B3GALT1: variants seen among roughly 807,000 people sequenced by gnomAD.
The protein encoded by B3GALT1 is UDP-Gal:betaGlcNAc beta 1,3-galactosyltransferase, polypeptide 1.
In B3GALT1, 10 loss-of-function variants were observed where a neutral mutation model predicts 23.2. That is an observed-to-expected ratio of 0.43 (90% CI 0.27 to 0.73). The LOEUF is 0.73. Ranked by LOEUF, B3GALT1 falls within the 30% of genes least tolerant of loss-of-function variation. The pLI is 0.21. For missense variants in B3GALT1, 299 were observed against 405.4 expected (o/e 0.74, Z 2.25); for synonymous variants, 156 against 141.5 (o/e 1.10, Z -0.73).
intron 3 of B3GALT1, among the ~76,000 whole-genome samples, chr2:167,770,570 G>A (rs1057394865): frequency 6.6e-6 from 1 of 152,124 alleles, no homozygotes; most frequent in Admixed American, 6.6e-5. Flanking sequence ...TGTATGGCTG[G>A]TCTTTTCAGT....
intron 1 of B3GALT1, among the ~76,000 whole-genome samples, chr2:167,422,611 C>A (rs761691372): frequency 6.6e-6 from 1 of 152,118 alleles, no homozygotes; most frequent in Admixed American, 6.5e-5. Context: ...GTGTACTTGA[C>A]TTGAGTCTAC....
Position 167,713,806 on chromosome 2 carries a change from A to G in B3GALT1, c.-352+66840A>G, listed in dbSNP as rs114314235. Reference sequence around the variant, plus strand: ...AGTAAGGAGGTAAACCCCTCTGTGGATAGATGTTTCTCATTGCAAATGGAG... The same window carrying G: ...AGTAAGGAGGTAAACCCCTCTGTGGGTAGATGTTTCTCATTGCAAATGGAG... On this transcript the variant is annotated intron_variant, in intron 3 of 4. Transcript: ENST00000392690. 345 of 1,593,208 alleles carry G rather than the reference A, an allele frequency of 2.2e-4. 3 individuals are homozygous for G. In the African/African-American group the frequency reaches 4.2e-3, roughly 19 times the overall value.
chr2:167,684,741 T>C (rs1355446597), intron 3 of B3GALT1, among the ~76,000 whole-genome samples: 1 of 152,214 alleles, frequency 6.6e-6, no homozygotes, highest in Non-Finnish European at 1.5e-5. Context: ...TAATTCTCAT[T>C]ATTGGAATTC....
chr2:167,296,732 G>T (rs560032881), intron 1 of B3GALT1, among the ~76,000 whole-genome samples: 7 of 152,154 alleles, frequency 4.6e-5, no homozygotes, highest in Admixed American at 1.3e-4. Flanking sequence ...CTTTGACTGT[G>T]TGAATGAATA....
chr2:167,532,786 A>G (rs549455010), intron 2 of B3GALT1, among the ~76,000 whole-genome samples: 2 of 150,690 alleles, frequency 1.3e-5, no homozygotes, highest in East Asian at 3.9e-4. Context: ...ATCCTGTTTT[A>G]TAGCTTTCTT....
At chr2:167,341,386 G>A (rs972190122) in intron 1 of B3GALT1, among the ~76,000 whole-genome samples, 3 of 152,158 alleles carry the variant, frequency 2.0e-5, no homozygotes, top group East Asian at 1.9e-4. Flanking sequence ...TACTGCCTGC[G>A]TGTGGTGGCT....
chr2:167,797,494 A>G (rs1476679434), intron 3 of B3GALT1, among the ~76,000 whole-genome samples: 3 of 152,238 alleles, frequency 2.0e-5, no homozygotes, highest in African/African-American at 7.2e-5. Context: ...GTATATACCC[A>G]GTAATGGGAT....
At chr2:167,676,546 CACACACACATAT>C in intron 3 of B3GALT1, among the ~76,000 whole-genome samples, 1 of 139,660 alleles carries the variant, frequency 7.2e-6, no homozygotes, top group Middle Eastern at 3.5e-3. Context: ...CACACACACA[CACACACACATAT>C]ATATGTGTAT....
intron 1 of B3GALT1, among the ~76,000 whole-genome samples, chr2:167,318,441 ATT>A (rs1287500191): frequency 6.6e-6 from 1 of 151,990 alleles, no homozygotes; most frequent in Non-Finnish European, 1.5e-5. Flanking sequence ...ATTTCTTCCT[ATT>A]TTTATGAGTG....
chr2:167,663,878 T>C (rs938230302), intron 3 of B3GALT1, among the ~76,000 whole-genome samples: 4 of 151,916 alleles, frequency 2.6e-5, no homozygotes, highest in Admixed American at 2.6e-4. Flanking sequence ...GTCAGATGAG[T>C]AGGTTGCGAA....
chr2:167,783,758 C>A (rs1039500122), intron 3 of B3GALT1, among the ~76,000 whole-genome samples: 1 of 152,124 alleles, frequency 6.6e-6, no homozygotes, highest in East Asian at 1.9e-4. Flanking sequence ...TAGCTAATCT[C>A]GGTTTCAAAT....
intron 3 of B3GALT1, among the ~76,000 whole-genome samples, chr2:167,707,112 T>C (rs1303176952): frequency 6.6e-6 from 1 of 152,180 alleles, no homozygotes; most frequent in Non-Finnish European, 1.5e-5. Context: ...GCCCACCTCC[T>C]GGTTGACAGC....
At chr2:167,606,709 G>T (rs1438369200) in intron 2 of B3GALT1, among the ~76,000 whole-genome samples, 1 of 152,162 alleles carries the variant, frequency 6.6e-6, no homozygotes, top group Non-Finnish European at 1.5e-5. Flanking sequence ...AAAGATTGGG[G>T]CAAACTTAAA....
At chr2:167,796,840 G>A (rs1688553563) in intron 3 of B3GALT1, among the ~76,000 whole-genome samples, 1 of 152,154 alleles carries the variant, frequency 6.6e-6, no homozygotes, top group African/African-American at 2.4e-5. Flanking sequence ...TTGAAGAATA[G>A]AAATGAATAT....
chr2:167,608,278 G>A (rs1317221398), intron 2 of B3GALT1, among the ~76,000 whole-genome samples: 1 of 152,088 alleles, frequency 6.6e-6, no homozygotes, highest in African/African-American at 2.4e-5. Flanking sequence ...AGTAAATAGG[G>A]AATCAGGAAG....
intron 2 of B3GALT1, among the ~76,000 whole-genome samples, chr2:167,528,105 T>A (rs569675715): frequency 6.6e-6 from 1 of 152,264 alleles, no homozygotes; most frequent in Non-Finnish European, 1.5e-5. Flanking sequence ...TTAAAAATGA[T>A]CCTTCACCTG....
chr2:167,334,731 G>A (rs1697032273), intron 1 of B3GALT1, among the ~76,000 whole-genome samples: 1 of 152,126 alleles, frequency 6.6e-6, no homozygotes, highest in Non-Finnish European at 1.5e-5. Flanking sequence ...GCAAGATATG[G>A]TGAATAAGGG....
chr2:167,804,130 C>T (rs955901741), intron 3 of B3GALT1, among the ~76,000 whole-genome samples: 1 of 152,046 alleles, frequency 6.6e-6, no homozygotes, highest in African/African-American at 2.4e-5. Flanking sequence ...GCTGGGATTA[C>T]AGGTGGGCAC....
intron 1 of B3GALT1, among the ~76,000 whole-genome samples, chr2:167,307,969 AAAAT>A (rs34429255): frequency 0.75 from 113,974 of 151,458 alleles, 44,055 homozygotes; most frequent in Non-Finnish European, 0.86. Context: ...ACAAAACTTG[AAAAT>A]AAAGTTAAAA....
Sources: gnomAD v4.1 joint callset for allele counts (sites outside exome capture counted in the v4.1 genomes callset) on GRCh38, gnomAD v4.1.1 for gene constraint, MANE v1.5 for transcripts, NCBI Gene and HGNC (gene_info 2026-07-23, HGNC 2026-07-21) for gene names.